Variants in PDE4D observed in about 807,000 individuals in gnomAD.
PDE4D encodes 3',5'-cyclic-AMP phosphodiesterase 4D.
In PDE4D, 24 loss-of-function variants were observed where a neutral mutation model predicts 87.4. The observed-to-expected ratio is 0.27, with a 90% CI of 0.20 to 0.39. PDE4D has a LOEUF of 0.39. Ranked by LOEUF, PDE4D falls within the 10% of genes least tolerant of loss-of-function variation. The pLI, the probability that PDE4D is intolerant of heterozygous loss-of-function variation, is 1.00. For missense variants in PDE4D, 714 were observed against 1,041.0 expected (o/e 0.69, Z 4.32); for synonymous variants, 384 against 383.2 (o/e 1.00, Z -0.02).
At chr5:59,401,922 T>C (rs974323398) in intron 1 of PDE4D, among the ~76,000 whole-genome samples, 1 of 152,244 alleles carries the variant, frequency 6.6e-6, no homozygotes, top group Non-Finnish European at 1.5e-5. Context: ...TCTTTTGAAC[T>C]AAGTTCAGGG....
intron 1 of PDE4D, among the ~76,000 whole-genome samples, chr5:60,308,034 T>G (rs1754661588): frequency 6.6e-6 from 1 of 152,010 alleles, no homozygotes; most frequent in Admixed American, 6.6e-5. Flanking sequence ...AGAGCAAAAC[T>G]CCATCAAAAC....
At chr5:59,818,130 GC>G (rs1245128653) in intron 1 of PDE4D, among the ~76,000 whole-genome samples, 2 of 152,190 alleles carry the variant, frequency 1.3e-5, no homozygotes, top group African/African-American at 4.8e-5. Context: ...CTCAGGCATG[GC>G]AGGGTTTGTC....
chr5:59,403,236 A>G lies in PDE4D; in HGVS notation c.456-187268T>C, dbSNP rs371238286. Among the ~76,000 whole-genome samples the G allele has an allele frequency of 4.6e-5, 7 of 151,756 alleles. No individual in the cohort carries two copies. In the South Asian group the frequency reaches 1.0e-3, roughly 23 times the overall value. ...CGAGATATTTTCATACAGGCAAGCA[A>G]TGCATAATAATATCAGGGTAAACAG... On this transcript the variant is annotated intron_variant, in intron 1 of 14. Coordinates refer to ENST00000340635, the MANE Select transcript of PDE4D (RefSeq NM_001104631.2).
chr5:60,336,350 T>C (rs911827985), intron 1 of PDE4D, among the ~76,000 whole-genome samples: 1 of 152,210 alleles, frequency 6.6e-6, no homozygotes, highest in Non-Finnish European at 1.5e-5. Flanking sequence ...ACTGTAAATA[T>C]GTGTTTGTGG....
In PDE4D at chr5:58,974,113, T is replaced by C. The variant is rs938313851; in HGVS notation, c.*551A>G. The C allele has an allele frequency of 6.6e-6, 1 of 152,558 alleles. No individual in the cohort carries two copies. Among genetic ancestry groups the C allele is most frequent in the Admixed American group, 6.5e-5 (1 of 15,274 alleles). 9.5% of individuals were successfully genotyped at this position (152,558 alleles called of 1,614,324 possible). A position where few individuals can be genotyped will look rare whatever the true frequency, so the allele number is the denominator to read the frequency against. ...TCTGTTTTACATATCATACAAAATG[T>C]AGAGGTCAGTGCAGCTCACTGAACC... On this transcript the variant is annotated 3_prime_UTR_variant, in exon 15 of 15. Transcript: ENST00000340635.
intron 1 of PDE4D, among the ~76,000 whole-genome samples, chr5:59,341,976 C>T (rs963773830): frequency 3.5e-4 from 53 of 151,990 alleles, no homozygotes; most frequent in African/African-American, 1.1e-3. Context: ...ATGATGTAGG[C>T]GCAGAGGCAC....
intron 1 of PDE4D, among the ~76,000 whole-genome samples, chr5:59,464,209 G>T (rs370475817): frequency 7.3e-5 from 11 of 150,450 alleles, no homozygotes; most frequent in African/African-American, 1.5e-4. Context: ...CACCCGTAAA[G>T]GGTCTGTGCT....
rs756147423 is a variant in PDE4D at position 59,381,656 on chromosome 5, C to A, written c.456-165688G>T. 4.2e-4 allele frequency among the ~76,000 whole-genome samples: 64 copies of A among 152,088 alleles called. 1 individual carries two copies. The highest frequency in any genetic ancestry group is 6.6e-4 in the Admixed American group (10 of 15,240). ...GGTCAACTTACAGGCTACCTTCTTT[C>A]CTCAGTGCAAATATCACGTCTTTCT... On this transcript the variant is annotated intron_variant, in intron 1 of 14. Coordinates refer to ENST00000340635, the MANE Select transcript of PDE4D (RefSeq NM_001104631.2).
At chr5:59,636,233 G>A (rs1438254504) in intron 1 of PDE4D, among the ~76,000 whole-genome samples, 1 of 152,076 alleles carries the variant, frequency 6.6e-6, no homozygotes, top group Non-Finnish European at 1.5e-5. Context: ...AATAAGAGAA[G>A]ACACAAACAA....
At chr5:60,511,074 A>G (rs1750550401) in intron 1 of PDE4D, among the ~76,000 whole-genome samples, 1 of 152,062 alleles carries the variant, frequency 6.6e-6, no homozygotes, top group Non-Finnish European at 1.5e-5. Flanking sequence ...GATCCAAGCA[A>G]TTCTCCTGCC....
chr5:59,506,123 G>A (rs1809215957), intron 1 of PDE4D, among the ~76,000 whole-genome samples: 1 of 152,154 alleles, frequency 6.6e-6, no homozygotes, highest in South Asian at 2.1e-4. Context: ...ATATGGCTCA[G>A]TAGTTTGTCT....
chr5:60,097,407 GAA>G (rs957427457), intron 2 of PDE4D, among the ~76,000 whole-genome samples: 8 of 151,902 alleles, frequency 5.3e-5, no homozygotes, highest in African/African-American at 1.9e-4. Context: ...ATTCACATCT[GAA>G]AACTGCACAT....
At chr5:59,206,970 C>T in intron 2 of PDE4D, among the ~76,000 whole-genome samples, 1 of 152,044 alleles carries the variant, frequency 6.6e-6, no homozygotes, top group East Asian at 1.9e-4. Flanking sequence ...ATTGCTTGAG[C>T]TCAGGAATTC....
At chr5:59,820,203 A>G (rs750575298) in intron 1 of PDE4D, among the ~76,000 whole-genome samples, 26 of 152,314 alleles carry the variant, frequency 1.7e-4, no homozygotes, top group Admixed American at 3.9e-4. Context: ...AAAATCTTCA[A>G]GACAATGTTA....
intron 2 of PDE4D, among the ~76,000 whole-genome samples, chr5:60,139,077 G>C (rs1318468390): frequency 6.6e-6 from 1 of 151,350 alleles, no homozygotes; most frequent in Non-Finnish European, 1.5e-5. Flanking sequence ...AAGCTAGGAT[G>C]GTTCTAAGAT....
intron 5 of PDE4D, among the ~76,000 whole-genome samples, chr5:59,151,098 A>G (rs1779413964): frequency 6.6e-6 from 1 of 152,168 alleles, no homozygotes; most frequent in South Asian, 2.1e-4. Flanking sequence ...TCCATGTGAG[A>G]ATGACATTTA....
chr5:59,636,814 T>G (rs1171950500), intron 1 of PDE4D, among the ~76,000 whole-genome samples: 1 of 152,164 alleles, frequency 6.6e-6, no homozygotes, highest in Non-Finnish European at 1.5e-5. Context: ...GAAGAAAACC[T>G]AGGCAATACC....
At chr5:60,396,884 C>G (rs1297331425) in intron 1 of PDE4D, among the ~76,000 whole-genome samples, 1 of 152,178 alleles carries the variant, frequency 6.6e-6, no homozygotes, top group Non-Finnish European at 1.5e-5. Flanking sequence ...CTTCAACAGC[C>G]AAATTCAGAC....
intron 1 of PDE4D, among the ~76,000 whole-genome samples, chr5:59,869,261 G>T (rs187392998): frequency 1.3e-3 from 196 of 152,304 alleles, no homozygotes; most frequent in African/African-American, 4.4e-3. Flanking sequence ...TCAGAAAAAG[G>T]GAGATTTGAA....
Sources: gnomAD v4.1 joint callset for allele counts (sites outside exome capture counted in the v4.1 genomes callset) on GRCh38, gnomAD v4.1.1 for gene constraint, MANE v1.5 for transcripts, NCBI Gene and HGNC (gene_info 2026-07-23, HGNC 2026-07-21) for gene names.